Variants in NTNG1 observed in about 807,000 individuals in gnomAD.
NTNG1 encodes netrin G1.
In NTNG1, 16 loss-of-function variants were observed where a neutral mutation model predicts 54.0. That is an observed-to-expected ratio of 0.30 (90% confidence interval 0.20 to 0.45). The LOEUF (loss-of-function observed/expected upper bound fraction) is 0.45. NTNG1 is among the 20% of genes least tolerant of loss of function. NTNG1 has a pLI of 1.00. For missense variants in NTNG1, 530 were observed against 678.7 expected, an observed-to-expected ratio of 0.78 and a Z score of 2.43; for synonymous variants, 255 against 263.1, an observed-to-expected ratio of 0.97 and a Z score of 0.30.
intron 5 of NTNG1, among the ~76,000 whole-genome samples, chr1:107,423,677 T>G (rs550218589): frequency 2.0e-5 from 3 of 152,258 alleles, no homozygotes; most frequent in African/African-American, 7.2e-5. Flanking sequence ...CATTAAAAAC[T>G]ATATAAAACC....
At chr1:107,379,853 T>G (rs550848963) in intron 3 of NTNG1, among the ~76,000 whole-genome samples, 55 of 152,290 alleles carry the variant, frequency 3.6e-4, no homozygotes, top group African/African-American at 1.3e-3. Flanking sequence ...TTGGAGCATT[T>G]TGGACTTGAG....
chr1:107,419,586 T>C (rs1674449114), intron 5 of NTNG1, among the ~76,000 whole-genome samples: 2 of 150,756 alleles, frequency 1.3e-5, no homozygotes, highest in East Asian at 3.9e-4. Flanking sequence ...GAATTTATTT[T>C]AATATAGTAT....
chr1:107,455,772 G>A (rs1476095869), intron 7 of NTNG1: 1 of 311,662 alleles, frequency 3.2e-6, no homozygotes, highest in Non-Finnish European at 7.2e-6. Flanking sequence ...TACATGGTCA[G>A]GCTGCCTCTG....
chr1:107,189,366 A>AAAAT (rs1657719461), intron 2 of NTNG1, among the ~76,000 whole-genome samples: 1 of 149,304 alleles, frequency 6.7e-6, no homozygotes, highest in Non-Finnish European at 1.5e-5. Context: ...AAAAAAAAAA[A>AAAAT]GTTTGGGTGA....
In NTNG1 at chr1:107,207,903, C is replaced by T. The variant is rs566655873; in HGVS notation, c.246+59064C>T. On this transcript the variant is annotated intron_variant, in intron 2 of 7. Coordinates refer to ENST00000370068, the MANE Select transcript of NTNG1 (RefSeq NM_001113226.3). ...ATGGACTTAAACATGTCCTAGCAGCCACAGCATGGCAGCTGAACTTTCTTC... is the reference window on the plus strand; with the variant it reads ...ATGGACTTAAACATGTCCTAGCAGCTACAGCATGGCAGCTGAACTTTCTTC... Among the ~76,000 whole-genome samples, 10 of 152,240 alleles carry T rather than the reference C, an allele frequency of 6.6e-5. No homozygotes were observed. The South Asian group carries it at 2.1e-3, about 32-fold the overall frequency.
intron 4 of NTNG1, among the ~76,000 whole-genome samples, chr1:107,397,272 T>A (rs1042819636): frequency 6.6e-6 from 1 of 152,190 alleles, no homozygotes; most frequent in Non-Finnish European, 1.5e-5. Context: ...TTCAATTCAA[T>A]ATTCCAATCA....
chr1:107,278,226 T>C (rs1196373846), intron 2 of NTNG1, among the ~76,000 whole-genome samples: 1 of 152,242 alleles, frequency 6.6e-6, no homozygotes, highest in Non-Finnish European at 1.5e-5. Flanking sequence ...AAGTATTTCC[T>C]AAAGAACTAT....
At chr1:107,439,110 G>A (rs1675794881) in intron 7 of NTNG1, among the ~76,000 whole-genome samples, 1 of 152,148 alleles carries the variant, frequency 6.6e-6, no homozygotes, top group Non-Finnish European at 1.5e-5. Context: ...GGTAATCAGA[G>A]CTCAATAAGA....
At chr1:107,472,638 C>T (rs866181118) in intron 7 of NTNG1, among the ~76,000 whole-genome samples, 7 of 152,116 alleles carry the variant, frequency 4.6e-5, no homozygotes, top group African/African-American at 4.8e-5. Context: ...AGTTTTATGA[C>T]GCTCAGCCAA....
Position 107,327,773 on chromosome 1 carries a change from A to G in NTNG1, c.887+2851A>G, listed in dbSNP as rs544298359. ...AAAGTAGAATGGAGACCAGATGTAA[A>G]CATCTATAGTATAGTGGACAGAGAA... On this transcript the variant is annotated intron_variant, in intron 3 of 7. Coordinates refer to ENST00000370068, the MANE Select transcript of NTNG1 (RefSeq NM_001113226.3). 9.1e-4 allele frequency among the ~76,000 whole-genome samples: 138 copies of G among 152,252 alleles called. No individual in the cohort carries two copies. The Middle Eastern group carries it at 0.014, about 15-fold the overall frequency.
chr1:107,217,087 TG>T (rs890857565), intron 2 of NTNG1, among the ~76,000 whole-genome samples: 1 of 152,166 alleles, frequency 6.6e-6, no homozygotes, highest in Non-Finnish European at 1.5e-5. Context: ...AGACTTTTTT[TG>T]TTGGTAACTT....
chr1:107,177,628 C>T (rs535493963), intron 2 of NTNG1, among the ~76,000 whole-genome samples: 9 of 152,236 alleles, frequency 5.9e-5, no homozygotes, highest in South Asian at 2.1e-4. Flanking sequence ...CCACCGCTCC[C>T]GGCCTTAAGA....
At chr1:107,211,108 G>T (rs1160302781) in intron 2 of NTNG1, among the ~76,000 whole-genome samples, 1 of 152,022 alleles carries the variant, frequency 6.6e-6, no homozygotes, top group Non-Finnish European at 1.5e-5. Flanking sequence ...CATATGTGTT[G>T]GTTTGCTTTC....
chr1:107,223,473 G>A (rs909357567), intron 2 of NTNG1, among the ~76,000 whole-genome samples: 32 of 152,146 alleles, frequency 2.1e-4, no homozygotes, highest in Admixed American at 7.2e-4. Flanking sequence ...TTAGGAAGAG[G>A]GCAATGGGTG....
At chr1:107,317,414 A>G (rs1488299075) in intron 2 of NTNG1, among the ~76,000 whole-genome samples, 1 of 152,176 alleles carries the variant, frequency 6.6e-6, no homozygotes, top group Non-Finnish European at 1.5e-5. Flanking sequence ...ACCACTTACA[A>G]TAATGTTACC....
chr1:107,459,606 C>G (rs1677156892), intron 7 of NTNG1, among the ~76,000 whole-genome samples: 1 of 152,172 alleles, frequency 6.6e-6, no homozygotes, highest in Admixed American at 6.5e-5. Flanking sequence ...TATTTGCAGT[C>G]AAGATTAATG....
intron 7 of NTNG1, among the ~76,000 whole-genome samples, chr1:107,442,925 G>A (rs1676062081): frequency 6.6e-6 from 1 of 152,102 alleles, no homozygotes; most frequent in Non-Finnish European, 1.5e-5. Flanking sequence ...TTTCAATTTA[G>A]CATTTTCCAA....
intron 3 of NTNG1, among the ~76,000 whole-genome samples, chr1:107,388,073 T>C (rs1472477291): frequency 4.6e-5 from 7 of 152,240 alleles, no homozygotes; most frequent in Admixed American, 3.9e-4. Context: ...ACAGATTCTA[T>C]GTTCTTGGGG....
chr1:107,191,930 T>C (rs1236203612), intron 2 of NTNG1, among the ~76,000 whole-genome samples: 4 of 152,166 alleles, frequency 2.6e-5, no homozygotes, highest in Non-Finnish European at 5.9e-5. Flanking sequence ...TGGTTCCATA[T>C]GAACTTTAAA....
Sources: gnomAD v4.1 joint callset for allele counts (sites outside exome capture counted in the v4.1 genomes callset) on GRCh38, gnomAD v4.1.1 for gene constraint, MANE v1.5 for transcripts, NCBI Gene and HGNC (gene_info 2026-07-23, HGNC 2026-07-21) for gene names.